The following DRC10 variants were observed in gnomAD, a reference collection of about 807,000 sequenced individuals.
The protein encoded by DRC10 is dynein regulatory complex subunit 10.
the DRC10 span, among the ~76,000 whole-genome samples, chr12:113,209,294 A>G: frequency 2.0e-5 from 3 of 152,238 alleles, no homozygotes; most frequent in African/African-American, 7.2e-5. Context: ...CACTAAATGT[A>G]ATGTTGTATT....
the DRC10 span, among the ~76,000 whole-genome samples, chr12:113,212,460 T>G: frequency 6.6e-6 from 1 of 152,202 alleles, no homozygotes; most frequent in Non-Finnish European, 1.5e-5. Flanking sequence ...TGCCCATGGC[T>G]ACAGGATGAA....
the DRC10 span, among the ~76,000 whole-genome samples, chr12:113,205,842 T>G: frequency 2.7e-5 from 4 of 146,124 alleles, no homozygotes; most frequent in African/African-American, 7.7e-5. Flanking sequence ...TGAGCCGAGA[T>G]TGCGCCACTG....
chr12:113,203,428 G>A, the DRC10 span, among the ~76,000 whole-genome samples: 277 of 152,142 alleles, frequency 1.8e-3, 1 homozygote, highest in African/African-American at 6.5e-3. Context: ...TTTAAGACCA[G>A]CCTGGGTAAC....
At chr12:113,216,310 A>G in the DRC10 span, among the ~76,000 whole-genome samples, 2 of 152,236 alleles carry the variant, frequency 1.3e-5, no homozygotes, top group Admixed American at 6.5e-5. Flanking sequence ...CAACTATATG[A>G]CATTCTGGCA....
At chr12:113,214,783 T>A in the DRC10 span, among the ~76,000 whole-genome samples, 2 of 152,200 alleles carry the variant, frequency 1.3e-5, 1 homozygote, top group South Asian at 4.1e-4. Context: ...AACAAAAGTT[T>A]TAAATGTAAT....
At chr12:113,210,020 C>T in the DRC10 span, among the ~76,000 whole-genome samples, 2 of 152,158 alleles carry the variant, frequency 1.3e-5, no homozygotes, top group South Asian at 2.1e-4. Context: ...AGGTTAACCC[C>T]AGTTACTCAG....
chr12:113,205,846 G>A, the DRC10 span, among the ~76,000 whole-genome samples: 72 of 140,536 alleles, frequency 5.1e-4, no homozygotes, highest in African/African-American at 1.8e-3. Flanking sequence ...CCGAGATTGC[G>A]CCACTGCAGT....
the DRC10 span, chr12:113,208,322 G>A: frequency 1.4e-6 from 2 of 1,427,692 alleles, no homozygotes; most frequent in Non-Finnish European, 1.8e-6. Flanking sequence ...TAGTGTGGCT[G>A]CAGAAACCAC....
the DRC10 span, among the ~76,000 whole-genome samples, chr12:113,217,795 G>C: frequency 6.6e-6 from 1 of 152,244 alleles, no homozygotes; most frequent in Non-Finnish European, 1.5e-5. Context: ...GCCTCCCAAA[G>C]TGCTGGAATT....
the DRC10 span, among the ~76,000 whole-genome samples, chr12:113,199,135 CCACA>C: frequency 4.6e-5 from 7 of 152,100 alleles, no homozygotes; most frequent in Non-Finnish European, 7.3e-5. Context: ...CAGGGTTTCA[CCACA>C]TTGGCCAGGC....
chr12:113,200,770 A>T, the DRC10 span: 1 of 1,535,168 alleles, frequency 6.5e-7, no homozygotes, highest in Non-Finnish European at 8.7e-7. Context: ...CACCTGGTGC[A>T]GGTGGTTTTT....
the DRC10 span, among the ~76,000 whole-genome samples, chr12:113,211,887 G>A: frequency 6.6e-6 from 1 of 151,828 alleles, no homozygotes; most frequent in African/African-American, 2.4e-5. Flanking sequence ...GCAACAAAAT[G>A]AGACCTCTAC....
chr12:113,205,017 G>T, the DRC10 span, among the ~76,000 whole-genome samples: 6 of 151,934 alleles, frequency 3.9e-5, no homozygotes, highest in African/African-American at 1.4e-4. Context: ...TTCATATCTT[G>T]GCTTCAATGT....
the DRC10 span, chr12:113,200,689 C>T: frequency 8.5e-6 from 13 of 1,536,064 alleles, no homozygotes; most frequent in South Asian, 2.4e-5. Context: ...CTGTGATGCC[C>T]GGAAATCGGC....
chr12:113,221,042 G>A, the DRC10 span: 20,253 of 405,520 alleles, frequency 0.05, 729 homozygotes, highest in Middle Eastern at 0.066. Flanking sequence ...TACCGCCGCG[G>A]TCCCTGCGTT....
chr12:113,208,203 G>T, the DRC10 span: 1 of 1,570,904 alleles, frequency 6.4e-7, no homozygotes, highest in South Asian at 1.2e-5. Flanking sequence ...TAGGTCCACA[G>T]AGATGGAGAC....
chr12:113,203,023 C>A, the DRC10 span: 1 of 455,270 alleles, frequency 2.2e-6, no homozygotes, highest in Middle Eastern at 3.5e-4. Flanking sequence ...TGGGATCATG[C>A]TACTGTTTCC....
the DRC10 span, chr12:113,203,206 G>A: frequency 2.8e-5 from 9 of 326,288 alleles, no homozygotes; most frequent in Admixed American, 7.5e-5. Flanking sequence ...TGTCTTTTAC[G>A]TAGAGACAGG....
chr12:113,218,547 A>T, the DRC10 span, among the ~76,000 whole-genome samples: 4 of 152,006 alleles, frequency 2.6e-5, no homozygotes, highest in Non-Finnish European at 5.9e-5. Flanking sequence ...GGCTCAGGTG[A>T]TCCTCCCACC....
Sources: allele counts gnomAD v4.1 joint callset (sites outside exome capture counted in the v4.1 genomes callset), GRCh38; gene constraint gnomAD v4.1.1; transcripts MANE v1.5; gene names NCBI Gene and HGNC (gene_info 2026-07-23, HGNC 2026-07-21).